Variants in PPM1M observed in about 807,000 individuals in gnomAD.
PPM1M encodes protein phosphatase 1M.
Under a neutral mutation model 50.8 loss-of-function variants are expected in PPM1M, and 44 were observed. The observed-to-expected ratio is 0.87, with a 90% CI of 0.68 to 1.11. The LOEUF (loss-of-function observed/expected upper bound fraction) is 1.11, where lower values mean the gene tolerates loss of function less well. Among genes scored for constraint, PPM1M ranks in the 50% most tolerant of loss-of-function variants. PPM1M has a pLI of 0.00. For missense variants in PPM1M, 556 were observed against 593.4 expected (o/e 0.94, Z 0.66); for synonymous variants, 224 against 242.9 (o/e 0.92, Z 0.72).
At position 52,248,412 on chromosome 3, in the gene PPM1M, G is replaced by C; in HGVS notation, c.873G>C (p.Leu291Phe). 1.2e-6 allele frequency: 2 copies of C among 1,613,804 alleles called. No individual in the cohort carries two copies. Among genetic ancestry groups the C allele is most frequent in the Non-Finnish European group, 1.7e-6 (2 of 1,179,804 alleles). The change falls in exon 6 of 10, where the codon TTG becomes TTC. Residue 291 changes from leucine (L) to phenylalanine (F), a missense_variant. Physicochemically the swap from Leu to Phe is conservative, Grantham distance 22 (BLOSUM62 0). Transcript: ENST00000323588. ...EFPRRLKGDD[L>F]GQKVLFRDHH... The stretch of plus-strand genomic sequence containing the variant: ...CTCGGCGGCTGAAGGGGGATGACTT[G>C]GGACAGAAGGTTTTGTTCAGGGATC...
At position 52,249,781 on chromosome 3, in the gene PPM1M, GCA is replaced by G; in HGVS notation, c.1350_1351del (p.His450GlnfsTer8). 1.2e-6 allele frequency: 2 copies of G among 1,613,774 alleles called. No homozygotes were observed. The highest frequency in any genetic ancestry group is 1.7e-6 in the Non-Finnish European group (2 of 1,179,828). On this transcript the variant is annotated frameshift_variant, in exon 10 of 10. Transcript: ENST00000323588. LOFTEE classifies it high-confidence loss of function. ...ACGTCTCTGTGTTCGTGATTCCCTT[GCA>G]CAGTCAGGGCCAAGAGAGCAGTGAC... ...DDVSVFVIPL[H>X]SQGQESSDH is the part of the protein sequence containing the mutation.
rs763187592 is a variant in PPM1M, at chr3:52,248,136, T to A, written c.711-17T>A. 2 of 1,600,798 alleles carry A rather than the reference T, an allele frequency of 1.2e-6. No individual in the cohort carries two copies. The highest frequency in any genetic ancestry group is 1.7e-6 in the Non-Finnish European group (2 of 1,173,768). On this transcript the variant is annotated splice_polypyrimidine_tract_variant and intron_variant, in intron 4 of 9. Coordinates refer to ENST00000323588, the MANE Select transcript of PPM1M (RefSeq NM_144641.4). ...GGAGGCCTCCTCCTAGACCTCTCCC[T>A]TCTCTCCTCAATCCAGGGCCATCTT...
intron 1 of PPM1M, 47 bp from the exon 2 acceptor site, chr3:52,246,648 G>A: frequency 2.5e-6 from 3 of 1,218,862 alleles, no homozygotes; most frequent in Non-Finnish European, 3.3e-6. Context: ...TGCCCATGGG[G>A]ACATAGGTGT....
rs1237382231 is a variant in PPM1M, at chr3:52,249,051, C to T, written c.1074C>T (p.Leu358=). The change falls in exon 8 of 10, where the codon CTC becomes CTT. Residue 358 remains leucine, a synonymous_variant. Coordinates refer to ENST00000323588, the MANE Select transcript of PPM1M (RefSeq NM_144641.4). ...DTNIQLKPFL[L]SVPQVTVLDV... is the part of the protein sequence containing the mutation. ...ACATCCAGCTCAAGCCCTTCTTGCT[C>T]TCTGTGCCACAGGTAAGGGGGCAAC... 3 of 1,610,342 alleles carry T rather than the reference C, an allele frequency of 1.9e-6. No homozygotes were observed. The highest frequency in any genetic ancestry group is 2.5e-6 in the Non-Finnish European group (3 of 1,178,266).
At chr3:52,248,811 T>C in intron 7 of PPM1M, 111 bp downstream of exon 7, 1 of 1,362,038 alleles carries the variant, frequency 7.3e-7, no homozygotes, top group Non-Finnish European at 1.0e-6. Flanking sequence ...TGGGATTTGC[T>C]CTGAGACTAG....
chr3:52,247,891 G>C (rs1699888825), intron 4 of PPM1M, 97 bp downstream of exon 4: 2 of 838,816 alleles, frequency 2.4e-6, no homozygotes, highest in Non-Finnish European at 3.9e-6. Context: ...GGGATAGTAG[G>C]AAGGATTGAC....
Position 52,245,796 on chromosome 3 carries a change from C to T in PPM1M, c.-29C>T. 5 of 990,296 alleles carry T rather than the reference C, an allele frequency of 5.0e-6. No individual in the cohort carries two copies. Among genetic ancestry groups the T allele is most frequent in the Non-Finnish European group, 6.0e-6 (5 of 833,716 alleles). 61.3% of individuals were successfully genotyped at this position (990,296 alleles called of 1,614,324 possible). On this transcript the variant is annotated 5_prime_UTR_variant, in exon 1 of 10. Transcript: ENST00000323588. The surrounding 1 kb of genome is among the most constrained non-coding windows in gnomAD (Gnocchi z 4.8). ...GGCGGCCCAGCCCTAGCGCCCCGCGCTCCGCGGGCAGCCCCCTGCCGCCGC... is the reference window on the plus strand; with the variant it reads ...GGCGGCCCAGCCCTAGCGCCCCGCGTTCCGCGGGCAGCCCCCTGCCGCCGC...
At chr3:52,248,851 A>G in intron 7 of PPM1M, 105 bp from the exon 8 acceptor site, 2 of 1,250,318 alleles carry the variant, frequency 1.6e-6, no homozygotes, top group South Asian at 2.5e-5. Flanking sequence ...AAGGCTTCCA[A>G]GGGCCACAGT....
In PPM1M at chr3:52,249,670, GTTC is replaced by G; in HGVS notation, c.1238_1240del (p.Phe413del). The G allele has an allele frequency of 6.2e-7, 1 of 1,613,822 alleles. No homozygotes were observed. The highest frequency in any genetic ancestry group is 8.5e-7 in the Non-Finnish European group (1 of 1,179,794). ...TCTATCTGCAGGATGGTCTTCACAG[GTTC>G]TCAAAGCTGGCCCAGATGCTGATAC... On this transcript the variant is annotated inframe_deletion and splice_region_variant, in exon 10 of 10. Coordinates refer to ENST00000323588, the MANE Select transcript of PPM1M (RefSeq NM_144641.4).
At chr3:52,247,376 A>G (rs1699878048) in intron 3 of PPM1M, 148 bp downstream of exon 3, 1 of 1,167,238 alleles carries the variant, frequency 8.6e-7, no homozygotes, top group Non-Finnish European at 1.2e-6. Flanking sequence ...ACTAACAGCC[A>G]TCACTATCAG....
rs377310950 is a variant in PPM1M, at chr3:52,246,815, G to A, written c.342+3G>A. 4.2e-6 allele frequency: 6 copies of A among 1,424,924 alleles called. No homozygotes were observed. The highest frequency in any genetic ancestry group is 1.9e-4 in the Middle Eastern group (1 of 5,174). 88.3% of individuals were successfully genotyped at this position (1,424,924 alleles called of 1,614,324 possible). ...GGCTGACCCTGTGCCCAGAGGAGGT[G>A]AGTGCAGTCTGAGTTCTTGGCTGGA... On this transcript the variant is annotated splice_donor_region_variant and intron_variant, in intron 2 of 9. Coordinates refer to ENST00000323588, the MANE Select transcript of PPM1M (RefSeq NM_144641.4).
chr3:52,248,765 T>A, intron 7 of PPM1M, 65 bp downstream of exon 7: 1 of 1,514,442 alleles, frequency 6.6e-7, no homozygotes, highest in Non-Finnish European at 9.2e-7. Flanking sequence ...AGGTGGGAGC[T>A]CCTTTGCCTC....
At position 52,245,799 on chromosome 3, in the gene PPM1M, C is replaced by A; in HGVS notation, c.-26C>A. The A allele has an allele frequency of 1.0e-6, 1 of 994,006 alleles. No homozygotes were observed. The highest frequency in any genetic ancestry group is 4.4e-5 in the South Asian group (1 of 22,758). 61.6% of individuals were successfully genotyped at this position (994,006 alleles called of 1,614,324 possible). ...GGCCCAGCCCTAGCGCCCCGCGCTC[C>A]GCGGGCAGCCCCCTGCCGCCGCGCC... On this transcript the variant is annotated 5_prime_UTR_variant, in exon 1 of 10. Transcript: ENST00000323588. This position sits in a 1 kb window ranked among gnomAD's most constrained non-coding sequence, Gnocchi z 4.8.
intron 4 of PPM1M, 40 bp from the exon 5 acceptor site, chr3:52,248,113 A>C (rs369713037): frequency 1.3e-6 from 2 of 1,546,160 alleles, no homozygotes; most frequent in East Asian, 2.4e-5. Flanking sequence ...GTGAGGGTGG[A>C]GGCCTCCTCC....
rs1162400004 is a variant in PPM1M at position 52,250,281 on chromosome 3, T to C, written c.*467T>C. 1 of 167,546 alleles carries C rather than the reference T, an allele frequency of 6.0e-6. No homozygotes were observed. Among genetic ancestry groups the C allele is most frequent in the African/African-American group, 2.4e-5 (1 of 42,326 alleles). 10.4% of individuals were successfully genotyped at this position (167,546 alleles called of 1,614,324 possible). A position where few individuals can be genotyped will look rare whatever the true frequency, so the allele number is the denominator to read the frequency against. On this transcript the variant is annotated 3_prime_UTR_variant, in exon 10 of 10. Transcript: ENST00000323588. ...CCACGCAGGTGGCTTGTAGAAACCT[T>C]TGGGCAGCCTCATGTCTGCTAAAAC...
rs1699940182 is a variant in PPM1M, at chr3:52,250,176, A to C, written c.*362A>C. 4.8e-6 allele frequency: 1 copy of C among 206,536 alleles called. No homozygotes were observed. Among genetic ancestry groups the C allele is most frequent in the African/African-American group, 2.2e-5 (1 of 45,022 alleles). The allele number at this position is 206,536 out of a possible 1,614,324, so 12.8% of individuals were successfully genotyped here. A position where few individuals can be genotyped will look rare whatever the true frequency, so the allele number is the denominator to read the frequency against. ...GCTAAGGGTATTAGCCAAAGATGCC[A>C]GGATGGGTAGCTAGCCCATGTTTAG... On this transcript the variant is annotated 3_prime_UTR_variant, in exon 10 of 10. Coordinates refer to ENST00000323588, the MANE Select transcript of PPM1M (RefSeq NM_144641.4).
chr3:52,246,021 C>A lies in PPM1M; in HGVS notation c.197C>A (p.Thr66Lys). 8.2e-7 allele frequency: 1 copy of A among 1,226,172 alleles called. No individual in the cohort carries two copies. Among genetic ancestry groups the A allele is most frequent in the South Asian group, 1.4e-5 (1 of 72,796 alleles). 76.0% of individuals were successfully genotyped at this position (1,226,172 alleles called of 1,614,324 possible). A position where few individuals can be genotyped will look rare whatever the true frequency, so the allele number is the denominator to read the frequency against. Reference sequence around the variant, plus strand: ...GTGCGCAGCCCCGCACGAGGACGCACGCTACCCTGGAATGCAGGCTACGCC... The same window carrying A: ...GTGCGCAGCCCCGCACGAGGACGCAAGCTACCCTGGAATGCAGGCTACGCC... ...RPVRSPARGR[T>K]LPWNAGYAEI... is the part of the protein sequence containing the mutation. The change falls in exon 1 of 10, where the codon ACG becomes AAG. Residue 66 changes from threonine to lysine, a missense_variant. Coordinates refer to ENST00000323588, the MANE Select transcript of PPM1M (RefSeq NM_144641.4).
chr3:52,245,954 C>A lies in PPM1M; in HGVS notation c.130C>A (p.Pro44Thr). ...PRFLRGSSSS[P>T]GAADASRRPD... ...CTTCCTTCGCGGCTCCAGCTCCAGC[C>A]CCGGGGCGGCCGACGCCTCGCGCCG... The change falls in exon 1 of 10, where the codon CCC becomes ACC. Residue 44 changes from proline to threonine, a missense_variant. Physicochemically the swap from Pro to Thr is conservative, Grantham distance 38 (BLOSUM62 -1). Transcript: ENST00000323588. This position sits in a 1 kb window ranked among gnomAD's most constrained non-coding sequence, Gnocchi z 4.8. The A allele has an allele frequency of 8.0e-7, 1 of 1,249,214 alleles. No individual in the cohort carries two copies. Among genetic ancestry groups the A allele is most frequent in the Non-Finnish European group, 1.0e-6 (1 of 970,870 alleles). The allele number at this position is 1,249,214 out of a possible 1,614,324, so 77.4% of individuals were successfully genotyped here.
intron 4 of PPM1M, 72 bp downstream of exon 4, chr3:52,247,866 G>A (rs1222296941): frequency 9.3e-6 from 9 of 964,384 alleles, no homozygotes; most frequent in Non-Finnish European, 1.3e-5. Flanking sequence ...ACAAGCAAAG[G>A]TGGCTGGAAG....
Sources: gnomAD v4.1 joint callset for allele counts on GRCh38, gnomAD v4.1.1 for gene constraint, Gnocchi (gnomAD v3.1) non-coding constraint, MANE v1.5 for transcripts, NCBI Gene and HGNC (gene_info 2026-07-23, HGNC 2026-07-21) for gene names.